The following PARP8 variants were observed in gnomAD, a reference collection of about 807,000 sequenced individuals.
PARP8 encodes protein mono-ADP-ribosyltransferase PARP8.
Under a neutral mutation model 124.1 loss-of-function variants are expected in PARP8, and 51 were observed. The ratio of observed to expected loss-of-function variants is 0.41; its 90% confidence interval spans 0.33 to 0.52. The LOEUF (loss-of-function observed/expected upper bound fraction) is 0.52, where lower values mean the gene tolerates loss of function less well. Ranked by LOEUF, PARP8 falls within the 20% of genes least tolerant of loss-of-function variation. The pLI is 0.21. For missense variants in PARP8, 860 were observed against 1,018.9 expected (o/e 0.84, Z 2.12); for synonymous variants, 391 against 361.5 (o/e 1.08, Z -0.93).
At chr5:50,672,514 G>A (rs1444276066) in intron 2 of PARP8, among the ~76,000 whole-genome samples, 1 of 152,188 alleles carries the variant, frequency 6.6e-6, no homozygotes, top group Non-Finnish European at 1.5e-5. Flanking sequence ...TACGAATCCA[G>A]TGTGACAGAA....
chr5:50,761,111 G>A (rs1760494847), intron 5 of PARP8, among the ~76,000 whole-genome samples: 1 of 151,962 alleles, frequency 6.6e-6, no homozygotes, highest in South Asian at 2.1e-4. Context: ...AGAAGTTTAG[G>A]GATGGTTACA....
intron 24 of PARP8, 113 bp downstream of exon 24, chr5:50,834,161 T>C (rs1297328776): frequency 3.5e-6 from 3 of 850,102 alleles, no homozygotes; most frequent in African/African-American, 1.7e-5. Flanking sequence ...CATTATTCCT[T>C]ATGATCATCT....
intron 7 of PARP8, among the ~76,000 whole-genome samples, chr5:50,768,327 A>C (rs1761254148): frequency 6.6e-6 from 1 of 151,660 alleles, no homozygotes; most frequent in Admixed American, 6.6e-5. Flanking sequence ...TATTCATTGA[A>C]AAAAAAAACT....
chr5:50,712,594 A>G (rs1303567175), intron 2 of PARP8, among the ~76,000 whole-genome samples: 1 of 152,152 alleles, frequency 6.6e-6, no homozygotes, highest in Non-Finnish European at 1.5e-5. Context: ...TTCAGTAAGC[A>G]CTGAGGACCA....
At chr5:50,839,460 G>C (rs1747934094) in intron 25 of PARP8, among the ~76,000 whole-genome samples, 2 of 151,848 alleles carry the variant, frequency 1.3e-5, no homozygotes, top group Admixed American at 1.3e-4. Flanking sequence ...AGCAACTTAT[G>C]TATCTAAGCC....
At chr5:50,805,935 C>T (rs773967018) in intron 14 of PARP8, among the ~76,000 whole-genome samples, 1 of 151,988 alleles carries the variant, frequency 6.6e-6, no homozygotes. Context: ...AGGGGGATTT[C>T]TCTGGTCATC....
In PARP8 at chr5:50,740,242, G is replaced by A. The variant is rs567975935; in HGVS notation, c.147-9909G>A. On this transcript the variant is annotated intron_variant, in intron 2 of 25. Transcript: ENST00000281631. Reference sequence around the variant, plus strand: ...TATTTACAAACTGTGTAACTGCTCCGTAGTAAGATCTGATCAAGTCTGGGA... The same window carrying A: ...TATTTACAAACTGTGTAACTGCTCCATAGTAAGATCTGATCAAGTCTGGGA... 2.6e-4 allele frequency among the ~76,000 whole-genome samples: 40 copies of A among 152,236 alleles called. 1 individual carries two copies. In the East Asian group the frequency reaches 5.6e-3, roughly 21 times the overall value.
At chr5:50,712,272 T>G (rs1190100103) in intron 2 of PARP8, among the ~76,000 whole-genome samples, 4 of 152,142 alleles carry the variant, frequency 2.6e-5, no homozygotes, top group Non-Finnish European at 5.9e-5. Context: ...ATTTGGCATT[T>G]TATACTTTAA....
At position 50,842,708 on chromosome 5, in the gene PARP8, C is replaced by T. The variant is rs1748300321; in HGVS notation, c.*640C>T. The stretch of plus-strand genomic sequence containing the variant: ...ACGTATGTTTTGACAAGAAAGATGG[C>T]TTAGCTTCACAATTCTATCCTCGTT... On this transcript the variant is annotated 3_prime_UTR_variant, in exon 26 of 26. Coordinates refer to ENST00000281631, the MANE Select transcript of PARP8 (RefSeq NM_024615.4). 2 of 151,610 alleles carry T rather than the reference C, an allele frequency of 1.3e-5. No homozygotes were observed. Among genetic ancestry groups the T allele is most frequent in the Admixed American group, 1.3e-4 (2 of 15,166 alleles). The allele number at this position is 151,610 out of a possible 1,614,324, so 9.4% of individuals were successfully genotyped here.
At chr5:50,747,150 G>GTTTTTT (rs1561320439) in intron 2 of PARP8, among the ~76,000 whole-genome samples, 3 of 38,490 alleles carry the variant, frequency 7.8e-5, no homozygotes, top group African/African-American at 2.1e-4. Flanking sequence ...GGTTTTTTTT[G>GTTTTTT]TTTGTTTGTT....
At chr5:50,716,946 C>G (rs1431170158) in intron 2 of PARP8, among the ~76,000 whole-genome samples, 2 of 152,064 alleles carry the variant, frequency 1.3e-5, no homozygotes, top group African/African-American at 4.8e-5. Context: ...TAATTGCACA[C>G]TGATCATGTA....
At chr5:50,771,669 C>T (rs375662401) in intron 7 of PARP8, among the ~76,000 whole-genome samples, 10 of 151,802 alleles carry the variant, frequency 6.6e-5, no homozygotes, top group South Asian at 2.1e-4. Flanking sequence ...CTTGAATAGT[C>T]GATAGAAATT....
At chr5:50,666,635 G>A (rs1469252126), upstream of PARP8, 1 of 151,546 alleles carries the variant, frequency 6.6e-6, no homozygotes, top group East Asian at 2.0e-4. Flanking sequence ...GTGTGCGCGG[G>A]TGTGGAAGGC....
chr5:50,810,812 A>G (rs76775234), intron 14 of PARP8, among the ~76,000 whole-genome samples: 3,339 of 152,208 alleles, frequency 0.022, 123 homozygotes, highest in African/African-American at 0.076. Context: ...TCTAGTAAAA[A>G]TGAGCAAGAG....
At chr5:50,723,762 C>G (rs1296728659) in intron 2 of PARP8, among the ~76,000 whole-genome samples, 4 of 151,976 alleles carry the variant, frequency 2.6e-5, no homozygotes, top group Non-Finnish European at 4.4e-5. Flanking sequence ...GCCAAACAGG[C>G]TTTTTACTAT....
intron 9 of PARP8, among the ~76,000 whole-genome samples, chr5:50,785,344 T>G (rs939487046): frequency 6.6e-6 from 1 of 152,208 alleles, no homozygotes; most frequent in African/African-American, 2.4e-5. Flanking sequence ...TCTAGTGTTA[T>G]ATAACCCTTC....
At chr5:50,786,457 C>T (rs1419198415) in intron 9 of PARP8, among the ~76,000 whole-genome samples, 2 of 151,698 alleles carry the variant, frequency 1.3e-5, no homozygotes, top group Non-Finnish European at 2.9e-5. Flanking sequence ...CTCAACCTCC[C>T]AGGTTCAGGT....
rs747834399 is a variant in PARP8, at chr5:50,760,321, T to C, written c.304T>C (p.Cys102Arg). ...ELRKTNDINC[C>R]LSIKSKLQKE... is the part of the protein sequence containing the mutation. The stretch of plus-strand genomic sequence containing the variant: ...AAGAAAAACAAATGACATTAACTGT[T>C]GCTTATCCATAAAATCCAAATTACA... The change falls in exon 5 of 26, where the codon TGC becomes CGC. Residue 102 changes from cysteine (C) to arginine (R), a missense_variant. Cys to Arg is a radical substitution (Grantham distance 180). Coordinates refer to ENST00000281631, the MANE Select transcript of PARP8 (RefSeq NM_024615.4). 1 of 1,534,142 alleles carries C rather than the reference T, an allele frequency of 6.5e-7. No homozygotes were observed. The highest frequency in any genetic ancestry group is 1.9e-5 in the Admixed American group (1 of 53,440).
At chr5:50,814,145 G>C (rs187599629) in intron 14 of PARP8, among the ~76,000 whole-genome samples, 1 of 152,012 alleles carries the variant, frequency 6.6e-6, no homozygotes, top group Admixed American at 6.6e-5. Flanking sequence ...CACCAGAATA[G>C]CATTTGACAC....
Sources: gnomAD v4.1 joint callset for allele counts (sites outside exome capture counted in the v4.1 genomes callset) on GRCh38, gnomAD v4.1.1 for gene constraint, MANE v1.5 for transcripts, NCBI Gene and HGNC (gene_info 2026-07-23, HGNC 2026-07-21) for gene names.